Variants in ABCA13 observed in about 807,000 individuals in gnomAD.
ABCA13 encodes the protein ATP-binding cassette sub-family A member 13.
ABCA13 carries 476 observed loss-of-function variants against 478.7 expected under a neutral mutation model. The ratio of observed to expected loss-of-function variants is 0.99; its 90% CI spans 0.92 to 1.07. The LOEUF is 1.07. Ranked by LOEUF, ABCA13 falls within the 50% of genes least tolerant of loss-of-function variation. The pLI is 0.00. For synonymous variants in ABCA13, 2,252 were observed against 2,158.9 expected (o/e 1.04, Z -1.20); for missense variants, 6,060 against 5,910.6 (o/e 1.03, Z -0.83).
chr7:48,305,648 CCAT>C (rs900410929), intron 23 of ABCA13, among the ~76,000 whole-genome samples: 1 of 152,206 alleles, frequency 6.6e-6, no homozygotes, highest in African/African-American at 2.4e-5. Flanking sequence ...AACATGGAGG[CCAT>C]CTCTGGTGCT....
In ABCA13 at chr7:48,478,064, G is replaced by A. The variant is rs2130469985; in HGVS notation, c.12976-2972G>A. Among the ~76,000 whole-genome samples the A allele has an allele frequency of 3.3e-5, 5 of 151,504 alleles. No homozygotes were observed. The South Asian group carries it at 1.0e-3, about 32-fold the overall frequency. On this transcript the variant is annotated intron_variant, in intron 45 of 61. Transcript: ENST00000435803. Reference sequence around the variant, plus strand: ...TGAATTGGAGAGAGGAAAGCTGGAGGTAGGGAAACTTTGGAGGTTGTTATG... The same window carrying A: ...TGAATTGGAGAGAGGAAAGCTGGAGATAGGGAAACTTTGGAGGTTGTTATG...
At chr7:48,438,768 C>A (rs895558927) in intron 42 of ABCA13, among the ~76,000 whole-genome samples, 1 of 151,958 alleles carries the variant, frequency 6.6e-6, no homozygotes, top group Non-Finnish European at 1.5e-5. Flanking sequence ...CCAGTAGAAA[C>A]CAGGCAGCAC....
intron 54 of ABCA13, 84 bp from the exon 55 acceptor site, chr7:48,528,152 A>G (rs928773929): frequency 5.0e-5 from 59 of 1,190,530 alleles, no homozygotes; most frequent in Admixed American, 1.3e-4. Flanking sequence ...GCTGTTTCTG[A>G]TATAATTTTG....
chr7:48,258,320 A>G (rs757011679), intron 15 of ABCA13, among the ~76,000 whole-genome samples: 20 of 152,080 alleles, frequency 1.3e-4, no homozygotes, highest in Non-Finnish European at 2.4e-4. Context: ...GGCAATTTGT[A>G]TGTTTCCAGG....
chr7:48,486,370 G>C (rs1585546765), intron 47 of ABCA13, among the ~76,000 whole-genome samples: 1 of 152,028 alleles, frequency 6.6e-6, no homozygotes, highest in African/African-American at 2.4e-5. Context: ...ATGTTTATTG[G>C]GCACCATTTC....
intron 1 of ABCA13, among the ~76,000 whole-genome samples, chr7:48,175,882 T>C (rs888723962): frequency 1.3e-4 from 20 of 151,642 alleles, no homozygotes; most frequent in East Asian, 3.9e-4. Flanking sequence ...AAAGAATTAA[T>C]AACAACAACA....
chr7:48,282,686 T>C (rs138709771), intron 19 of ABCA13, among the ~76,000 whole-genome samples: 83 of 152,330 alleles, frequency 5.4e-4, no homozygotes, highest in African/African-American at 1.7e-3. Flanking sequence ...TTTCGATTAC[T>C]ATCAGGTTGT....
At chr7:48,220,747 A>G (rs1031821495) in intron 4 of ABCA13, among the ~76,000 whole-genome samples, 3 of 152,172 alleles carry the variant, frequency 2.0e-5, no homozygotes, top group Non-Finnish European at 2.9e-5. Flanking sequence ...ACTTTTATAA[A>G]ATTTGATTTT....
intron 55 of ABCA13, 53 bp from the exon 56 acceptor site, chr7:48,580,171 T>C: frequency 6.6e-7 from 1 of 1,507,960 alleles, no homozygotes; most frequent in Non-Finnish European, 8.8e-7. Context: ...AAAAATGGGT[T>C]GGTGCCAGTT....
intron 38 of ABCA13, among the ~76,000 whole-genome samples, chr7:48,394,684 A>G (rs1472861610): frequency 6.6e-6 from 1 of 151,508 alleles, no homozygotes; most frequent in Non-Finnish European, 1.5e-5. Flanking sequence ...TTTTTTTTTC[A>G]ATTTTTATTT....
intron 15 of ABCA13, among the ~76,000 whole-genome samples, chr7:48,252,108 C>T (rs1792659348): frequency 6.6e-6 from 1 of 152,110 alleles, no homozygotes; most frequent in Non-Finnish European, 1.5e-5. Context: ...TCTTTAAATA[C>T]ACTCTCTGCC....
chr7:48,369,505 T>C (rs553972180), intron 32 of ABCA13, among the ~76,000 whole-genome samples: 2 of 152,174 alleles, frequency 1.3e-5, no homozygotes, highest in Non-Finnish European at 2.9e-5. Context: ...GTTATTTTTC[T>C]AGACTCGTTA....
intron 24 of ABCA13, among the ~76,000 whole-genome samples, chr7:48,312,109 G>T (rs1324024103): frequency 6.6e-6 from 1 of 152,206 alleles, no homozygotes; most frequent in African/African-American, 2.4e-5. Context: ...TAAGCAGAGT[G>T]CCTCTGTGAA....
chr7:48,434,306 A>G (rs1271025419), intron 42 of ABCA13, among the ~76,000 whole-genome samples: 1 of 151,900 alleles, frequency 6.6e-6, no homozygotes, highest in African/African-American at 2.4e-5. Flanking sequence ...CCATTAGCAT[A>G]TCTTCTTTGG....
At chr7:48,620,868 G>A (rs550570502) in intron 59 of ABCA13, among the ~76,000 whole-genome samples, 1 of 152,276 alleles carries the variant, frequency 6.6e-6, no homozygotes, top group South Asian at 2.1e-4. Context: ...ACTCTGGGCT[G>A]TGGAGTGATC....
At chr7:48,259,684 G>C (rs1410834931) in intron 15 of ABCA13, among the ~76,000 whole-genome samples, 1 of 151,202 alleles carries the variant, frequency 6.6e-6, no homozygotes, top group African/African-American at 2.4e-5. Flanking sequence ...TGATTGTGTG[G>C]TTTCTTTGTA....
At chr7:48,518,984 G>A (rs1832333045) in intron 52 of ABCA13, among the ~76,000 whole-genome samples, 1 of 151,766 alleles carries the variant, frequency 6.6e-6, no homozygotes, top group African/African-American at 2.4e-5. Flanking sequence ...CCCCCAACAG[G>A]CCCCAGTGTG....
intron 1 of ABCA13, among the ~76,000 whole-genome samples, chr7:48,177,887 G>A (rs571435149): frequency 3.9e-5 from 6 of 152,312 alleles, no homozygotes; most frequent in Middle Eastern, 3.4e-3. Flanking sequence ...TTCAGGACTC[G>A]CCTTAGGCTG....
At chr7:48,621,067 C>T (rs73694698) in intron 59 of ABCA13, among the ~76,000 whole-genome samples, 2,771 of 152,254 alleles carry the variant, frequency 0.018, 75 homozygotes, top group African/African-American at 0.063. Context: ...CCTACCCCAC[C>T]TCAGTGCCTG....
Sources: gnomAD v4.1 joint callset for allele counts (sites outside exome capture counted in the v4.1 genomes callset) on GRCh38, gnomAD v4.1.1 for gene constraint, MANE v1.5 for transcripts, NCBI Gene and HGNC (gene_info 2026-07-23, HGNC 2026-07-21) for gene names.